The following MCF2L variants were observed in gnomAD, a reference collection of about 807,000 sequenced individuals.
MCF2L encodes the protein guanine nucleotide exchange factor DBS.
MCF2L carries 97 observed loss-of-function variants against 153.4 expected under a neutral mutation model. The ratio of observed to expected loss-of-function variants is 0.63; its 90% CI spans 0.54 to 0.75. MCF2L has a LOEUF of 0.75. Ranked by LOEUF, MCF2L falls within the 30% of genes least tolerant of loss-of-function variation. The pLI, the probability that MCF2L is intolerant of heterozygous loss-of-function variation, is 0.00. For missense variants in MCF2L, 1,347 were observed against 1,495.2 expected, an observed-to-expected ratio of 0.90 and a Z score of 1.64; for synonymous variants, 659 against 632.2, an observed-to-expected ratio of 1.04 and a Z score of -0.64.
intron 4 of MCF2L, among the ~76,000 whole-genome samples, chr13:113,052,102 G>C (rs2087375547): frequency 6.6e-6 from 1 of 152,234 alleles, no homozygotes; most frequent in African/African-American, 2.4e-5. Flanking sequence ...TGAGGTGACA[G>C]ATCGGTTAAT....
chr13:113,006,757 C>T (rs1350267714), intron 1 of MCF2L, among the ~76,000 whole-genome samples: 2 of 152,220 alleles, frequency 1.3e-5, no homozygotes, highest in East Asian at 1.9e-4. Flanking sequence ...TGCCACCAGC[C>T]CTGCCCACTC....
chr13:113,060,747 A>G, intron 5 of MCF2L, 35 bp downstream of exon 5: 1 of 1,607,628 alleles, frequency 6.2e-7, no homozygotes, highest in East Asian at 2.2e-5. Flanking sequence ...GCGGTAGCAG[A>G]ACGGAACTCA....
At chr13:112,997,320 CT>C (rs2083181326) in intron 1 of MCF2L, among the ~76,000 whole-genome samples, 1 of 152,232 alleles carries the variant, frequency 6.6e-6, no homozygotes, top group Admixed American at 6.5e-5. Flanking sequence ...GCTGACGCCC[CT>C]GTGCAGGGTG....
intron 13 of MCF2L, 56 bp downstream of exon 13, chr13:113,077,267 G>A: frequency 6.9e-7 from 1 of 1,449,630 alleles, no homozygotes; most frequent in Non-Finnish European, 9.1e-7. Context: ...GGAGCCCCGG[G>A]CGTTGAGAGC....
At chr13:113,051,856 G>A (rs1230416855) in intron 4 of MCF2L, among the ~76,000 whole-genome samples, 1 of 152,018 alleles carries the variant, frequency 6.6e-6, no homozygotes, top group Non-Finnish European at 1.5e-5. Flanking sequence ...AAAGCCACCA[G>A]GCCCCCACCC....
At chr13:113,006,884 G>A (rs571214478) in intron 1 of MCF2L, among the ~76,000 whole-genome samples, 1 of 152,352 alleles carries the variant, frequency 6.6e-6, no homozygotes, top group African/African-American at 2.4e-5. Context: ...GCGGGGTGTG[G>A]GGAGGCAGCG....
chr13:113,034,953 G>A (rs957999882), intron 3 of MCF2L, among the ~76,000 whole-genome samples: 2 of 152,196 alleles, frequency 1.3e-5, no homozygotes, highest in African/African-American at 4.8e-5. Context: ...AGTCCCGGGC[G>A]GTGGCATCAG....
chr13:113,012,135 G>A (rs2084179376), intron 1 of MCF2L, among the ~76,000 whole-genome samples: 1 of 107,486 alleles, frequency 9.3e-6, no homozygotes, highest in African/African-American at 3.3e-5. Context: ...CGGTGGACAG[G>A]CAGTGTGGAC....
In MCF2L at chr13:113,027,644, T is replaced by C. The variant is rs967933424; in HGVS notation, c.278+2886T>C. ...TCTCGGGCCGAGCGGCCGAGCTCCC[T>C]GAGGGGCTGATGGGACCGGCTTGGT... is the stretch of plus-strand genomic sequence containing the variant. On this transcript the variant is annotated intron_variant, in intron 3 of 29. Transcript: ENST00000535094. This position sits in a 1 kb window ranked among gnomAD's most constrained non-coding sequence, Gnocchi z 4.8. 6.6e-6 allele frequency among the ~76,000 whole-genome samples: 1 copy of C among 152,146 alleles called. No individual in the cohort carries two copies. The highest frequency in any genetic ancestry group is 1.5e-5 in the Non-Finnish European group (1 of 68,012).
intron 2 of MCF2L, chr13:112,917,635 C>G (rs2081308499): frequency 5.5e-6 from 1 of 181,198 alleles, no homozygotes; most frequent in African/African-American, 2.3e-5. Flanking sequence ...TGGGTGGGAC[C>G]CTCTCCTGAG....
rs776390492 is a variant in MCF2L at position 113,045,329 on chromosome 13, A to G, written c.337A>G (p.Thr113Ala). 3.1e-6 allele frequency: 5 copies of G among 1,613,860 alleles called. No homozygotes were observed. Among genetic ancestry groups the G allele is most frequent in the African/African-American group, 2.7e-5 (2 of 74,924 alleles). ...LVIDRRRDKW[T>A]SVKASVLRIA... is the part of the protein sequence containing the mutation. ...GATAGACCGGCGACGGGACAAATGG[A>G]CCTCCGTGAAGGCGTCCGTCCTGCG... Residue 113 changes from threonine to alanine, a missense_variant, in exon 4 of 30, where the codon ACC becomes GCC. This residue lies in a region of MCF2L where 820 missense variants were observed against 921.2 expected (regional missense o/e 0.89). Transcript: ENST00000535094. The surrounding 1 kb of genome is among the most constrained non-coding windows in gnomAD (Gnocchi z 4.2).
intron 3 of MCF2L, 142 bp downstream of exon 3, chr13:113,024,900 G>A: frequency 1.5e-6 from 1 of 678,886 alleles, no homozygotes; most frequent in Non-Finnish European, 2.6e-6. Context: ...GTGACTGTGG[G>A]TCGGGGCAGA....
chr13:112,964,945 G>A (rs1305946771), upstream of MCF2L: 4 of 152,208 alleles, frequency 2.6e-5, no homozygotes, highest in Admixed American at 6.5e-5. Context: ...GCATCACAAC[G>A]TAATGGTCAT....
intron 1 of MCF2L, among the ~76,000 whole-genome samples, chr13:113,011,079 C>T (rs945452201): frequency 3.9e-5 from 6 of 152,126 alleles, no homozygotes; most frequent in African/African-American, 1.4e-4. Flanking sequence ...ATGGAAGAAA[C>T]GCCCAGCGCC....
intron 2 of MCF2L, among the ~76,000 whole-genome samples, chr13:112,929,620 G>T (rs747394856): frequency 6.6e-6 from 1 of 152,208 alleles, no homozygotes; most frequent in African/African-American, 2.4e-5. Context: ...TCCACAGCAG[G>T]TGTCAGAATC....
intron 5 of MCF2L, among the ~76,000 whole-genome samples, chr13:113,063,548 A>G (rs1388387914): frequency 1.3e-5 from 2 of 152,164 alleles, no homozygotes; most frequent in African/African-American, 4.8e-5. Context: ...CACGGTGTCC[A>G]GGGTTTGGAT....
At chr13:113,003,976 A>C (rs1187988101) in intron 1 of MCF2L, among the ~76,000 whole-genome samples, 2 of 152,210 alleles carry the variant, frequency 1.3e-5, no homozygotes, top group Admixed American at 6.5e-5. Flanking sequence ...TTCCACAGAG[A>C]GGTCACCGTG....
chr13:113,002,014 C>T (rs369380520), intron 1 of MCF2L: 3 of 1,530,540 alleles, frequency 2.0e-6, no homozygotes, highest in African/African-American at 2.8e-5. Context: ...TCCTCGCCTC[C>T]CCGGAAGGTG....
In MCF2L at chr13:113,075,950, T is replaced by C. The variant is rs987025172; in HGVS notation, c.1309-16T>C. The C allele has an allele frequency of 3.1e-6, 5 of 1,589,670 alleles. No individual in the cohort carries two copies. In the African/African-American group the frequency reaches 4.1e-5, roughly 13 times the overall value. On this transcript the variant is annotated splice_polypyrimidine_tract_variant and intron_variant, in intron 11 of 29. Transcript: ENST00000535094. ...TCTCACGGCGTCCTGCCCTCGGCAA[T>C]GCTCTGTGTTTCCAGTCCATGAAGT...
Sources: gnomAD v4.1 joint callset for allele counts (sites outside exome capture counted in the v4.1 genomes callset) on GRCh38, gnomAD v4.1.1 for gene constraint, gnomAD v4.1.1 regional missense constraint, Gnocchi (gnomAD v3.1) non-coding constraint, MANE v1.5 for transcripts, NCBI Gene and HGNC (gene_info 2026-07-23, HGNC 2026-07-21) for gene names.